The following PVALB variants were observed in gnomAD, a reference collection of about 807,000 sequenced individuals.
The protein encoded by PVALB is parvalbumin.
Under a neutral mutation model 10.9 loss-of-function variants are expected in PVALB, and 11 were observed. The observed-to-expected ratio is 1.01, with a 90% CI of 0.63 to 1.67. The LOEUF (loss-of-function observed/expected upper bound fraction) is 1.67. PVALB is among the 40% of genes most tolerant of loss of function. The probability of loss-of-function intolerance (pLI) is 0.00; values close to 1 mark genes in which losing one functional copy is unlikely to be tolerated. For missense variants in PVALB, 131 were observed against 136.2 expected (o/e 0.96, Z 0.19); for synonymous variants, 57 against 50.7 (o/e 1.12, Z -0.53).
chr22:36,811,388 G>C (rs1164818493), intron 3 of PVALB: 2 of 438,184 alleles, frequency 4.6e-6, no homozygotes, highest in East Asian at 7.3e-5. Context: ...ATAATGCCTA[G>C]TTTACAGATG....
rs36215449 is a variant in PVALB, at chr22:36,814,268, A to AGT, written c.195-515_195-514dup. On this transcript the variant is annotated intron_variant, in intron 2 of 3. Transcript: ENST00000417718. Reference sequence around the variant, plus strand: ...GGACAGGGGGAAGTCAGCCTCTGTGAGTGTGTGTGTGTGTGTGTGTGTGTG... The same window carrying AGT: ...GGACAGGGGGAAGTCAGCCTCTGTGAGTGTGTGTGTGTGTGTGTGTGTGTGTG... 3.2e-3 allele frequency among the ~76,000 whole-genome samples: 469 copies of AGT among 148,146 alleles called. 2 individuals carry two copies. Among genetic ancestry groups the AGT allele is most frequent in the Middle Eastern group, 0.01 (3 of 294 alleles).
chr22:36,817,133 C>A, upstream of PVALB: 2 of 819,638 alleles, frequency 2.4e-6, no homozygotes, highest in South Asian at 1.9e-5. Context: ...CCTGGCATGG[C>A]GCCAGGGGCC....
At chr22:36,806,383 T>C (rs555808113) in intron 3 of PVALB, among the ~76,000 whole-genome samples, 13 of 152,238 alleles carry the variant, frequency 8.5e-5, no homozygotes, top group African/African-American at 3.1e-4. Flanking sequence ...TTCTTTCCCT[T>C]AGGAAACTGA....
intron 3 of PVALB, among the ~76,000 whole-genome samples, chr22:36,807,629 C>T (rs1056198307): frequency 2.2e-4 from 33 of 152,216 alleles, no homozygotes; most frequent in African/African-American, 8.0e-4. Flanking sequence ...TCTCTTCATT[C>T]GAGCAACAGC....
At chr22:36,801,296 T>C (rs574233676) in intron 3 of PVALB, among the ~76,000 whole-genome samples, 10 of 152,346 alleles carry the variant, frequency 6.6e-5, no homozygotes, top group African/African-American at 9.6e-5. Flanking sequence ...TAGTCCTGTC[T>C]GGTGCATTTT....
chr22:36,802,623 A>AAAAGAAAAAAAG (rs1938886635), intron 3 of PVALB, among the ~76,000 whole-genome samples: 4 of 119,124 alleles, frequency 3.4e-5, no homozygotes, highest in African/African-American at 1.1e-4. Context: ...AAAAAAAAAA[A>AAAAGAAAAAAAG]AAAGAAAGAA....
chr22:36,807,482 C>G (rs1450113278), intron 3 of PVALB, among the ~76,000 whole-genome samples: 2 of 152,232 alleles, frequency 1.3e-5, no homozygotes, highest in Non-Finnish European at 2.9e-5. Flanking sequence ...CCTTCTATCT[C>G]TCTCACTTTT....
intron 1 of PVALB, chr22:36,815,527 C>T (rs1226690542): frequency 2.5e-6 from 1 of 404,098 alleles, no homozygotes; most frequent in Non-Finnish European, 4.6e-6. Flanking sequence ...GGGAGCAGCA[C>T]CTAAGAACCA....
At chr22:36,807,981 C>T (rs549224569) in intron 3 of PVALB, among the ~76,000 whole-genome samples, 1 of 152,328 alleles carries the variant, frequency 6.6e-6, no homozygotes, top group Non-Finnish European at 1.5e-5. Flanking sequence ...AAGCAAAATG[C>T]AAACCCCAAA....
chr22:36,804,303 T>A (rs1431388609), intron 3 of PVALB, among the ~76,000 whole-genome samples: 1 of 152,194 alleles, frequency 6.6e-6, no homozygotes, highest in South Asian at 2.1e-4. Flanking sequence ...TGACGGAAAG[T>A]CAGACATTTT....
At chr22:36,801,971 G>A (rs1314839349) in intron 3 of PVALB, among the ~76,000 whole-genome samples, 1 of 152,142 alleles carries the variant, frequency 6.6e-6, no homozygotes, top group African/African-American at 2.4e-5. Context: ...GAAGAGAGGG[G>A]CCAGTAATAA....
At chr22:36,815,507 T>TGCTGA in intron 1 of PVALB, 1 of 469,154 alleles carries the variant, frequency 2.1e-6, no homozygotes, top group Non-Finnish European at 3.9e-6. Flanking sequence ...CTGCACCCAT[T>TGCTGA]GCTGATGATG....
intron 3 of PVALB, among the ~76,000 whole-genome samples, chr22:36,813,240 C>T (rs979805978): frequency 2.0e-5 from 3 of 152,110 alleles, no homozygotes; most frequent in Non-Finnish European, 2.9e-5. Flanking sequence ...GGGGATTAGT[C>T]GGCCTCATTT....
At chr22:36,808,158 G>T (rs1938987752) in intron 3 of PVALB, among the ~76,000 whole-genome samples, 1 of 152,212 alleles carries the variant, frequency 6.6e-6, no homozygotes, top group Admixed American at 6.5e-5. Flanking sequence ...GGGCCCTGAG[G>T]CTTCACAGCA....
chr22:36,816,045 T>TG (rs1555911588), intron 1 of PVALB, among the ~76,000 whole-genome samples: 15,926 of 134,164 alleles, frequency 0.12, 882 homozygotes, highest in African/African-American at 0.15. Context: ...ATCATGTATT[T>TG]TGTGTGTGTG....
Position 36,815,120 on chromosome 22 carries a change from G to A in PVALB, c.177C>T (p.Ile59=), listed in dbSNP as rs780661083. 6.8e-6 allele frequency: 11 copies of A among 1,614,072 alleles called. No homozygotes were observed. Among genetic ancestry groups the A allele is most frequent in the Middle Eastern group, 3.3e-4 (2 of 6,062 alleles). The part of the protein sequence containing the change: ...HMLDKDKSGF[I]EEDELGFILK... ...CCGCTTACCCCAGCTCATCCTCCTC[G>A]ATGAAGCCACTTTTGTCCTTGTCCA... The change falls in exon 2 of 4, where the codon ATC becomes ATT. Residue 59 remains isoleucine (I), a synonymous_variant. Transcript: ENST00000417718.
chr22:36,811,642 G>A, intron 3 of PVALB: 1 of 429,968 alleles, frequency 2.3e-6, no homozygotes, highest in Admixed American at 2.5e-5. Flanking sequence ...TTTTCTGTGA[G>A]CAGTCAGCCA....
upstream of PVALB, chr22:36,818,824 T>C (rs1166262678): frequency 6.6e-6 from 1 of 152,278 alleles, no homozygotes; most frequent in Non-Finnish European, 1.5e-5. Flanking sequence ...CTCACTCGTG[T>C]GGAGTTCAGT....
At chr22:36,813,026 G>A (rs1041885480) in intron 3 of PVALB, among the ~76,000 whole-genome samples, 4 of 152,238 alleles carry the variant, frequency 2.6e-5, no homozygotes, top group African/African-American at 9.6e-5. Flanking sequence ...GGCAGGGCCA[G>A]GTATTCCCTG....
Sources: allele counts gnomAD v4.1 joint callset (sites outside exome capture counted in the v4.1 genomes callset), GRCh38; gene constraint gnomAD v4.1.1; transcripts MANE v1.5; gene names NCBI Gene and HGNC (gene_info 2026-07-23, HGNC 2026-07-21).